ABLIM1: variants seen among roughly 807,000 people sequenced by gnomAD.
The protein encoded by ABLIM1 is actin binding LIM protein 1, also known as actin-binding LIM protein 1.
Under a neutral mutation model 107.0 loss-of-function variants are expected in ABLIM1, and 40 were observed. The ratio of observed to expected loss-of-function variants is 0.37; its 90% CI spans 0.29 to 0.49. The LOEUF (loss-of-function observed/expected upper bound fraction) is 0.49. Ranked by LOEUF, ABLIM1 falls within the 20% of genes least tolerant of loss-of-function variation. The pLI is 0.97. For missense variants in ABLIM1, 857 were observed against 1,008.5 expected (o/e 0.85, Z 2.04); for synonymous variants, 357 against 357.3 (o/e 1.00, Z 0.01).
intron 8 of ABLIM1, among the ~76,000 whole-genome samples, chr10:114,485,951 C>A (rs1046872010): frequency 6.6e-6 from 1 of 152,136 alleles, no homozygotes; most frequent in Non-Finnish European, 1.5e-5. Context: ...GTGTGAACCC[C>A]GGCTCTGGGT....
intron 11 of ABLIM1, among the ~76,000 whole-genome samples, chr10:114,467,787 A>G (rs956640868): frequency 1.1e-4 from 17 of 152,194 alleles, no homozygotes; most frequent in Non-Finnish European, 1.9e-4. Context: ...GTAACCTCCC[A>G]TCAAGATGGC....
Position 114,744,115 on chromosome 10 carries a change from C to T in ABLIM1, c.-213+23946G>A, listed in dbSNP as rs553936464. On this transcript the variant is annotated intron_variant, in intron 1 of 15. Transcript: ENST00000651092. The stretch of plus-strand genomic sequence containing the variant: ...GACCACAGTTCTGTTGGTGTTATAT[C>T]ACAGGCCTCATTCTGGGAACACTCT... Among the ~76,000 whole-genome samples the T allele has an allele frequency of 4.6e-5, 7 of 152,300 alleles. No individual in the cohort carries two copies. In the South Asian group the frequency reaches 1.2e-3, roughly 27 times the overall value.
intron 4 of ABLIM1, among the ~76,000 whole-genome samples, chr10:114,559,323 T>C (rs1052495506): frequency 6.6e-6 from 1 of 151,088 alleles, no homozygotes; most frequent in African/African-American, 2.4e-5. Flanking sequence ...TGATTTCTAG[T>C]CGGGTGTGGT....
At chr10:114,788,179 G>A in the ABLIM1 span, among the ~76,000 whole-genome samples, 2 of 151,094 alleles carry the variant, frequency 1.3e-5, no homozygotes, top group Non-Finnish European at 3.0e-5. Context: ...AGTACCCAGG[G>A]ACACAAACAC....
intron 4 of ABLIM1, among the ~76,000 whole-genome samples, chr10:114,550,343 T>A (rs2497722): frequency 6.6e-6 from 1 of 151,944 alleles, no homozygotes; most frequent in Non-Finnish European, 1.5e-5. Context: ...ATTTTTAAAG[T>A]TTAGGAGCAC....
chr10:114,516,266 G>A (rs2062795950), intron 6 of ABLIM1, among the ~76,000 whole-genome samples: 1 of 152,160 alleles, frequency 6.6e-6, no homozygotes, highest in Admixed American at 6.5e-5. Context: ...GCTCACACCT[G>A]TAATCCCAGC....
chr10:114,524,056 G>T (rs1480053063), intron 6 of ABLIM1, among the ~76,000 whole-genome samples: 1 of 152,154 alleles, frequency 6.6e-6, no homozygotes, highest in Non-Finnish European at 1.5e-5. Context: ...ATAACATTAT[G>T]GGCCAGTCCA....
intron 2 of ABLIM1, among the ~76,000 whole-genome samples, chr10:114,592,874 G>A (rs1030151237): frequency 2.6e-5 from 4 of 152,106 alleles, no homozygotes; most frequent in African/African-American, 9.7e-5. Flanking sequence ...GTTGGGGTGG[G>A]TATGGGGCTA....
At chr10:114,791,721 CTT>C in the ABLIM1 span, among the ~76,000 whole-genome samples, 1 of 151,442 alleles carries the variant, frequency 6.6e-6, no homozygotes, top group South Asian at 2.1e-4. Flanking sequence ...TTAAATTACT[CTT>C]ATTTCAATAT....
intron 6 of ABLIM1, among the ~76,000 whole-genome samples, chr10:114,537,677 T>C (rs757728571): frequency 6.6e-6 from 1 of 152,226 alleles, no homozygotes; most frequent in Non-Finnish European, 1.5e-5. Context: ...AAAAATATTA[T>C]ACAAAGTCAG....
At chr10:114,445,072 T>C (rs962027338) in intron 16 of ABLIM1, among the ~76,000 whole-genome samples, 2 of 151,964 alleles carry the variant, frequency 1.3e-5, no homozygotes, top group African/African-American at 4.8e-5. Context: ...ACCCAAACCT[T>C]CCACACCCCT....
intron 8 of ABLIM1, among the ~76,000 whole-genome samples, chr10:114,480,699 G>A (rs765200610): frequency 3.9e-5 from 6 of 152,158 alleles, no homozygotes; most frequent in Non-Finnish European, 8.8e-5. Context: ...GCAAAAGGAA[G>A]AAAGGAGCCT....
At chr10:114,568,391 T>A (rs974257490) in intron 4 of ABLIM1, among the ~76,000 whole-genome samples, 7 of 151,980 alleles carry the variant, frequency 4.6e-5, no homozygotes, top group East Asian at 1.9e-4. Flanking sequence ...CTGGAATTTT[T>A]AAAAAAACAT....
At chr10:114,550,699 C>T (rs2067959307) in intron 4 of ABLIM1, among the ~76,000 whole-genome samples, 1 of 152,156 alleles carries the variant, frequency 6.6e-6, no homozygotes, top group South Asian at 2.1e-4. Context: ...ACTCTCTGTA[C>T]CCCATCTATT....
intron 1 of ABLIM1, among the ~76,000 whole-genome samples, chr10:114,734,511 C>T (rs2082139698): frequency 6.6e-6 from 1 of 152,112 alleles, no homozygotes; most frequent in East Asian, 1.9e-4. Flanking sequence ...CCGCAACTCT[C>T]GCACCTTGTT....
intron 1 of ABLIM1, among the ~76,000 whole-genome samples, chr10:114,724,194 G>GGACC (rs2081910118): frequency 2.6e-5 from 4 of 152,144 alleles, no homozygotes; most frequent in Admixed American, 2.0e-4. Flanking sequence ...AACAGAAAAA[G>GGACC]CCTGTAACAA....
intron 15 of ABLIM1, among the ~76,000 whole-genome samples, chr10:114,447,113 C>T (rs2061128302): frequency 6.6e-6 from 1 of 152,118 alleles, no homozygotes; most frequent in African/African-American, 2.4e-5. Context: ...GTGATAAGAT[C>T]GTGTCTTTGT....
chr10:114,479,374 C>T (rs2134272078), intron 8 of ABLIM1, among the ~76,000 whole-genome samples: 1 of 152,336 alleles, frequency 6.6e-6, no homozygotes, highest in East Asian at 1.9e-4. Flanking sequence ...ACAGCTACCG[C>T]ACTTGGACTC....
intron 1 of ABLIM1, among the ~76,000 whole-genome samples, chr10:114,617,099 C>T (rs753051979): frequency 7.9e-5 from 12 of 152,028 alleles, no homozygotes; most frequent in Non-Finnish European, 1.8e-4. Context: ...ACAAAGCCAC[C>T]AAGGCAACTG....
Sources: gnomAD v4.1 joint callset for allele counts (sites outside exome capture counted in the v4.1 genomes callset) on GRCh38, gnomAD v4.1.1 for gene constraint, MANE v1.5 for transcripts, NCBI Gene and HGNC (gene_info 2026-07-23, HGNC 2026-07-21) for gene names.